Variants in MAGI1 observed in about 807,000 individuals in gnomAD.
MAGI1 encodes membrane-associated guanylate kinase, WW and PDZ domain-containing protein 1.
Under a neutral mutation model 139.9 loss-of-function variants are expected in MAGI1, and 58 were observed. The ratio of observed to expected loss-of-function variants is 0.41; its 90% CI spans 0.34 to 0.52. The LOEUF (loss-of-function observed/expected upper bound fraction) is 0.52, where lower values mean the gene tolerates loss of function less well. Ranked by LOEUF, MAGI1 falls within the 20% of genes least tolerant of loss-of-function variation. MAGI1 has a pLI of 0.12. For missense variants in MAGI1, 1,874 were observed against 1,901.6 expected (o/e 0.99, Z 0.27); for synonymous variants, 812 against 737.9 (o/e 1.10, Z -1.63).
intron 1 of MAGI1, among the ~76,000 whole-genome samples, chr3:65,927,644 T>C (rs907037287): frequency 6.6e-6 from 1 of 152,152 alleles, no homozygotes; most frequent in African/African-American, 2.4e-5. Context: ...TGCTTTTAGG[T>C]TCAATCAATC....
At chr3:65,819,104 G>A (rs2041787293) in intron 1 of MAGI1, among the ~76,000 whole-genome samples, 1 of 152,088 alleles carries the variant, frequency 6.6e-6, no homozygotes, top group African/African-American at 2.4e-5. Context: ...GGCCTACATG[G>A]TGAAACCCCA....
At chr3:65,399,055 C>A (rs1944640180) in intron 13 of MAGI1, among the ~76,000 whole-genome samples, 1 of 151,840 alleles carries the variant, frequency 6.6e-6, no homozygotes, top group Non-Finnish European at 1.5e-5. Flanking sequence ...ATGAGCAAGC[C>A]AACATTGTCA....
rs182411844 is a variant in MAGI1 at position 65,374,231 on chromosome 3, A to T, written c.3196+1514T>A. Among the ~76,000 whole-genome samples, 42 of 152,232 alleles carry T rather than the reference A, an allele frequency of 2.8e-4. No homozygotes were observed. In the East Asian group the frequency reaches 6.8e-3, roughly 25 times the overall value. ...AAGTGTCACCTTCCTCCCAAGAGCAAAGTCAGCTTAGAATAAAGTGAATAT... is the reference window on the plus strand; with the variant it reads ...AAGTGTCACCTTCCTCCCAAGAGCATAGTCAGCTTAGAATAAAGTGAATAT... On this transcript the variant is annotated intron_variant, in intron 18 of 22. Coordinates refer to ENST00000402939, the MANE Select transcript of MAGI1 (RefSeq NM_001033057.2).
chr3:65,991,007 G>A (rs1457289234), intron 1 of MAGI1, among the ~76,000 whole-genome samples: 1 of 151,836 alleles, frequency 6.6e-6, no homozygotes, highest in Non-Finnish European at 1.5e-5. Context: ...AAGTAAATGA[G>A]GCTGGGCACG....
intron 1 of MAGI1, among the ~76,000 whole-genome samples, chr3:65,702,415 A>T (rs2089676831): frequency 6.6e-6 from 1 of 152,192 alleles, no homozygotes; most frequent in Admixed American, 6.5e-5. Context: ...AGGCTACCCC[A>T]GGAGACATCT....
intron 1 of MAGI1, among the ~76,000 whole-genome samples, chr3:65,989,891 T>C (rs1360998424): frequency 1.3e-5 from 2 of 152,206 alleles, no homozygotes; most frequent in Non-Finnish European, 2.9e-5. Flanking sequence ...TACTGAATAT[T>C]TGGGGAAAGT....
intron 1 of MAGI1, among the ~76,000 whole-genome samples, chr3:65,730,868 A>C (rs1351006039): frequency 6.6e-6 from 1 of 152,060 alleles, no homozygotes; most frequent in Admixed American, 6.6e-5. Context: ...TGTAGAACAG[A>C]ATCTGTTATT....
chr3:65,774,105 T>A (rs1577070135), intron 1 of MAGI1, among the ~76,000 whole-genome samples: 1 of 10,776 alleles, frequency 9.3e-5, no homozygotes, highest in Middle Eastern at 0.029. Context: ...CACTGGCTAG[T>A]TAAAAAAAAA....
intron 2 of MAGI1, among the ~76,000 whole-genome samples, chr3:65,502,366 T>A (rs1387606610): frequency 1.3e-5 from 2 of 148,856 alleles, no homozygotes; most frequent in Admixed American, 1.4e-4. Context: ...TAGATACCTA[T>A]TAATGTCAAT....
At chr3:65,911,125 T>C (rs949604235) in intron 1 of MAGI1, among the ~76,000 whole-genome samples, 3 of 151,630 alleles carry the variant, frequency 2.0e-5, no homozygotes, top group South Asian at 2.1e-4. Flanking sequence ...CCCAAAGTGA[T>C]AGGATTACAA....
At chr3:65,963,822 T>G (rs1342808377) in intron 1 of MAGI1, among the ~76,000 whole-genome samples, 1 of 152,258 alleles carries the variant, frequency 6.6e-6, no homozygotes, top group Admixed American at 6.5e-5. Flanking sequence ...TACATTTATT[T>G]ATTTCAAGAT....
intron 2 of MAGI1, among the ~76,000 whole-genome samples, chr3:65,515,685 T>C (rs749355426): frequency 1.9e-4 from 29 of 152,312 alleles, no homozygotes; most frequent in Non-Finnish European, 4.0e-4. Context: ...CCAAAGTCTA[T>C]GGCACCAACC....
At chr3:65,394,007 T>C (rs1944164255) in intron 13 of MAGI1, among the ~76,000 whole-genome samples, 3 of 152,120 alleles carry the variant, frequency 2.0e-5, no homozygotes, top group Non-Finnish European at 4.4e-5. Flanking sequence ...ACTGGACCTG[T>C]CTCCCAGAGA....
rs1553711393 is a variant in MAGI1, at chr3:65,812,468, T to TCACACACACACACACACACACA, written c.314-190402_314-190381dup. 1.2e-3 allele frequency among the ~76,000 whole-genome samples: 109 copies of TCACACACACACACACACACACA among 89,014 alleles called. 1 individual carries two copies. Among genetic ancestry groups the TCACACACACACACACACACACA allele is most frequent in the South Asian group, 0.01 (21 of 2,040 alleles). 58.4% of individuals were successfully genotyped at this position (89,014 alleles called of 152,430 possible). ...CTTTCTCTCTCTCTCTCTCTCTCTC[T>TCACACACACACACACACACACA]CACACACACACACACACACACACTT... is the stretch of plus-strand genomic sequence containing the variant. On this transcript the variant is annotated intron_variant, in intron 1 of 22. Transcript: ENST00000402939.
chr3:65,810,857 T>C (rs377361218), intron 1 of MAGI1, among the ~76,000 whole-genome samples: 5 of 152,350 alleles, frequency 3.3e-5, no homozygotes, highest in Admixed American at 6.5e-5. Context: ...CATTTAGCTC[T>C]TTCCTCTTTC....
chr3:65,737,047 T>C lies in MAGI1; in HGVS notation c.314-114959A>G, dbSNP rs567441046. Among the ~76,000 whole-genome samples the C allele has an allele frequency of 3.7e-4, 57 of 152,054 alleles. No individual in the cohort carries two copies. In the South Asian group the frequency reaches 5.8e-3, roughly 16 times the overall value. On this transcript the variant is annotated intron_variant, in intron 1 of 22. Coordinates refer to ENST00000402939, the MANE Select transcript of MAGI1 (RefSeq NM_001033057.2). The stretch of plus-strand genomic sequence containing the variant: ...TTGAGACGGAGTCTCGCTCTGTCCC[T>C]AGGCTGGAGTGCAGTGGCGCGATCT...
At chr3:65,710,864 T>C (rs570701682) in intron 1 of MAGI1, among the ~76,000 whole-genome samples, 19 of 152,348 alleles carry the variant, frequency 1.2e-4, no homozygotes, top group African/African-American at 3.6e-4. Context: ...CCAATGCCCA[T>C]TGATACAGAC....
chr3:65,626,625 G>A (rs1183429064), intron 1 of MAGI1, among the ~76,000 whole-genome samples: 1 of 152,096 alleles, frequency 6.6e-6, no homozygotes, highest in Non-Finnish European at 1.5e-5. Context: ...TGCCCCACCT[G>A]GAAGGCATTC....
chr3:65,453,319 AG>A lies in MAGI1; in HGVS notation c.980del (p.Ser327PhefsTer3). On this transcript the variant is annotated frameshift_variant, in exon 6 of 23. Transcript: ENST00000402939. LOFTEE classifies it high-confidence loss of function. ...YFIDHNTKTT[S>X]WLDPRCLNKQ... ...TGTTTAGGCACCGAGGGTCTAACCAAGATGTTGTTTTCGTGTTATGGCTGCA... is the reference window on the plus strand; with the variant it reads ...TGTTTAGGCACCGAGGGTCTAACCAAATGTTGTTTTCGTGTTATGGCTGCA... 1 of 1,612,392 alleles carries A rather than the reference AG, an allele frequency of 6.2e-7. No homozygotes were observed. The highest frequency in any genetic ancestry group is 8.5e-7 in the Non-Finnish European group (1 of 1,179,512).
Sources: allele counts gnomAD v4.1 joint callset (sites outside exome capture counted in the v4.1 genomes callset), GRCh38; gene constraint gnomAD v4.1.1; transcripts MANE v1.5; gene names NCBI Gene and HGNC (gene_info 2026-07-23, HGNC 2026-07-21).